Variants in WWOX observed in about 807,000 individuals in gnomAD.
The protein encoded by WWOX is WW domain-containing oxidoreductase.
In WWOX, 69 loss-of-function variants were observed where a neutral mutation model predicts 46.2. That is an observed-to-expected ratio of 1.49 (90% confidence interval 1.23 to 1.82). The LOEUF (loss-of-function observed/expected upper bound fraction) is 1.82, where lower values mean the gene tolerates loss of function less well. Ranked by LOEUF, WWOX falls within the 40% of genes most tolerant of loss-of-function variation. WWOX has a pLI of 0.00. For missense variants in WWOX, 919 were observed against 542.6 expected (o/e 1.69, Z -6.89); for synonymous variants, 359 against 202.6 (o/e 1.77, Z -6.56).
intron 5 of WWOX, among the ~76,000 whole-genome samples, chr16:78,191,652 A>C (rs1368875066): frequency 6.6e-6 from 1 of 152,122 alleles, no homozygotes; most frequent in Non-Finnish European, 1.5e-5. Context: ...TGGAATTAAC[A>C]TAGATTTCCC....
At chr16:78,865,293 C>G (rs528665259) in intron 8 of WWOX, among the ~76,000 whole-genome samples, 35 of 151,886 alleles carry the variant, frequency 2.3e-4, no homozygotes, top group African/African-American at 7.3e-4. Context: ...TTATTCCTTG[C>G]CAATCTCATA....
At chr16:79,153,901 C>G (rs13332065) in intron 8 of WWOX, among the ~76,000 whole-genome samples, 17,241 of 152,082 alleles carry the variant, frequency 0.11, 2,342 homozygotes, top group African/African-American at 0.33. Flanking sequence ...GGTTTGAAAG[C>G]GTTTTCCAGG....
chr16:78,477,737 G>A (rs1035119557), intron 8 of WWOX, among the ~76,000 whole-genome samples: 2 of 152,014 alleles, frequency 1.3e-5, no homozygotes, highest in Admixed American at 6.6e-5. Context: ...CATGTTACGT[G>A]CGGATAATCT....
At chr16:78,732,549 A>G (rs1367847366) in intron 8 of WWOX, among the ~76,000 whole-genome samples, 1 of 152,176 alleles carries the variant, frequency 6.6e-6, no homozygotes, top group Non-Finnish European at 1.5e-5. Context: ...CGCATGTGGT[A>G]GATTTACACT....
chr16:78,643,799 A>G (rs1338516071), intron 8 of WWOX, among the ~76,000 whole-genome samples: 3 of 149,750 alleles, frequency 2.0e-5, no homozygotes, highest in African/African-American at 4.9e-5. Context: ...AGCAGTTGAA[A>G]TGGGATGGAG....
chr16:78,900,496 GA>G (rs1345764718), intron 8 of WWOX, among the ~76,000 whole-genome samples: 1 of 152,154 alleles, frequency 6.6e-6, no homozygotes, highest in Non-Finnish European at 1.5e-5. Flanking sequence ...CAACTTTCAA[GA>G]AACCCACAGA....
chr16:78,870,978 C>G (rs952098231), intron 8 of WWOX, among the ~76,000 whole-genome samples: 14 of 152,146 alleles, frequency 9.2e-5, no homozygotes, highest in Non-Finnish European at 1.6e-4. Flanking sequence ...TCTTAAGTGT[C>G]CCAATAGCCA....
intron 8 of WWOX, among the ~76,000 whole-genome samples, chr16:78,910,294 G>GAC (rs2045075477): frequency 6.7e-6 from 1 of 150,368 alleles, no homozygotes; most frequent in African/African-American, 2.4e-5. Flanking sequence ...GGACTCACAT[G>GAC]ACAAAATGGA....
intron 6 of WWOX, among the ~76,000 whole-genome samples, chr16:78,399,773 T>A (rs2082369690): frequency 6.6e-6 from 1 of 151,642 alleles, no homozygotes; most frequent in South Asian, 2.1e-4. Flanking sequence ...ACCCTCATTG[T>A]CACTTTGGAA....
At chr16:78,729,628 AC>A in intron 8 of WWOX, among the ~76,000 whole-genome samples, 1 of 152,292 alleles carries the variant, frequency 6.6e-6, no homozygotes, top group Non-Finnish European at 1.5e-5. Flanking sequence ...TGGAGGAAGC[AC>A]AGTCCTGCTA....
At chr16:78,856,661 G>C (rs1378154052) in intron 8 of WWOX, among the ~76,000 whole-genome samples, 1 of 151,982 alleles carries the variant, frequency 6.6e-6, no homozygotes, top group Non-Finnish European at 1.5e-5. Context: ...GAAAGAAATG[G>C]AATAGATCTC....
intron 8 of WWOX, among the ~76,000 whole-genome samples, chr16:78,669,539 A>G (rs928223093): frequency 6.6e-6 from 1 of 152,234 alleles, no homozygotes; most frequent in Non-Finnish European, 1.5e-5. Flanking sequence ...TACCTACCAC[A>G]AAGAGTTACC....
chr16:78,252,760 T>C (rs2038018861), intron 5 of WWOX, among the ~76,000 whole-genome samples: 2 of 152,220 alleles, frequency 1.3e-5, no homozygotes, highest in African/African-American at 4.8e-5. Flanking sequence ...AGCTTTGTAT[T>C]ATTTATAGGA....
intron 8 of WWOX, among the ~76,000 whole-genome samples, chr16:78,914,850 G>A (rs150311169): frequency 0.018 from 2,464 of 135,684 alleles, 73 homozygotes; most frequent in African/African-American, 0.064. Context: ...CTGCACTCCC[G>A]CCCGGGTGAC....
intron 8 of WWOX, among the ~76,000 whole-genome samples, chr16:78,741,516 C>G (rs1336024570): frequency 6.6e-6 from 1 of 151,516 alleles, no homozygotes; most frequent in African/African-American, 2.4e-5. Flanking sequence ...CCCAAGATCA[C>G]CACTGCACCC....
At chr16:79,104,193 A>C (rs1020207697) in intron 8 of WWOX, among the ~76,000 whole-genome samples, 16 of 152,166 alleles carry the variant, frequency 1.1e-4, no homozygotes, top group Non-Finnish European at 2.1e-4. Context: ...ATGGTTTTCA[A>C]ACCTTGAAAT....
chr16:78,422,660 C>CATGT (rs1218925439), intron 6 of WWOX, among the ~76,000 whole-genome samples: 14 of 6,530 alleles, frequency 2.1e-3, no homozygotes, highest in African/African-American at 4.9e-3. Context: ...GTTTTTTTTA[C>CATGT]ATGTATATAT....
At chr16:78,976,577 T>C (rs571500931) in intron 8 of WWOX, among the ~76,000 whole-genome samples, 2 of 152,326 alleles carry the variant, frequency 1.3e-5, no homozygotes, top group South Asian at 2.1e-4. Flanking sequence ...CCTGGGATCT[T>C]GCAGCTGCGA....
At chr16:79,042,614 T>C (rs1377416575) in intron 8 of WWOX, among the ~76,000 whole-genome samples, 2 of 152,194 alleles carry the variant, frequency 1.3e-5, no homozygotes, top group African/African-American at 2.4e-5. Context: ...TAACTATACA[T>C]GCAAGCTGTT....
Sources: gnomAD v4.1 joint callset for allele counts (sites outside exome capture counted in the v4.1 genomes callset) on GRCh38, gnomAD v4.1.1 for gene constraint, MANE v1.5 for transcripts, NCBI Gene and HGNC (gene_info 2026-07-23, HGNC 2026-07-21) for gene names.